CTNNA3: variants seen among roughly 807,000 people sequenced by gnomAD.
CTNNA3 encodes catenin alpha-3.
A neutral mutation model predicts 95.7 loss-of-function variants in CTNNA3; 76 were observed. The ratio of observed to expected loss-of-function variants is 0.79; its 90% CI spans 0.66 to 0.96. CTNNA3 has a LOEUF of 0.96. Among genes scored for constraint, CTNNA3 ranks in the 40% least tolerant of loss-of-function variants. The pLI is 0.00. For missense variants in CTNNA3, 1,191 were observed against 1,089.8 expected (o/e 1.09, Z -1.31); for synonymous variants, 431 against 374.4 (o/e 1.15, Z -1.74).
At chr10:67,196,159 A>G (rs569897033) in intron 6 of CTNNA3, among the ~76,000 whole-genome samples, 13 of 152,236 alleles carry the variant, frequency 8.5e-5, no homozygotes, top group Middle Eastern at 3.4e-3. Flanking sequence ...GAGAGAGCTC[A>G]TAGACTCCCT....
chr10:65,931,837 G>C (rs1040288006), intron 17 of CTNNA3, among the ~76,000 whole-genome samples: 1 of 152,180 alleles, frequency 6.6e-6, no homozygotes, highest in African/African-American at 2.4e-5. Context: ...AGAGCAGCTG[G>C]TTGTTGGCTT....
intron 11 of CTNNA3, among the ~76,000 whole-genome samples, chr10:66,482,059 G>A (rs1003647552): frequency 2.6e-5 from 4 of 152,116 alleles, no homozygotes; most frequent in Admixed American, 6.5e-5. Context: ...TGTATTGGGG[G>A]AGGAAGATAT....
intron 11 of CTNNA3, among the ~76,000 whole-genome samples, chr10:66,419,551 T>C (rs563405992): frequency 6.6e-6 from 1 of 152,226 alleles, no homozygotes; most frequent in South Asian, 2.1e-4. Flanking sequence ...CTACAATTCA[T>C]TTGAAACCAA....
intron 1 of CTNNA3, among the ~76,000 whole-genome samples, chr10:67,735,996 G>A (rs926622193): frequency 6.6e-6 from 1 of 152,118 alleles, no homozygotes. Flanking sequence ...GCACACCAAT[G>A]TTCATAGTAG....
chr10:66,436,567 T>G (rs1013676511), intron 11 of CTNNA3, among the ~76,000 whole-genome samples: 1 of 150,416 alleles, frequency 6.6e-6, no homozygotes, highest in Non-Finnish European at 1.5e-5. Flanking sequence ...ATCCCACTAT[T>G]TTTAGCCTTT....
intron 9 of CTNNA3, among the ~76,000 whole-genome samples, chr10:66,717,892 C>G (rs1209377642): frequency 6.6e-6 from 1 of 152,136 alleles, no homozygotes; most frequent in Non-Finnish European, 1.5e-5. Context: ...TACCTCTGCC[C>G]TTATGAACCC....
At chr10:66,964,105 C>T (rs1849272031) in intron 7 of CTNNA3, among the ~76,000 whole-genome samples, 1 of 152,046 alleles carries the variant, frequency 6.6e-6, no homozygotes, top group Non-Finnish European at 1.5e-5. Context: ...CTGCCTCAGC[C>T]TCCCAAAGTG....
At chr10:67,338,093 G>C (rs1842058189) in intron 5 of CTNNA3, among the ~76,000 whole-genome samples, 1 of 152,114 alleles carries the variant, frequency 6.6e-6, no homozygotes, top group African/African-American at 2.4e-5. Context: ...GATTGTGTTA[G>C]GCTATTCTTG....
intron 1 of CTNNA3, among the ~76,000 whole-genome samples, chr10:67,714,387 A>G (rs368335472): frequency 6.6e-6 from 1 of 152,206 alleles, no homozygotes; most frequent in Non-Finnish European, 1.5e-5. Flanking sequence ...ATCATTCTGG[A>G]GCTTTAAGAT....
At chr10:67,057,359 G>A (rs1368606332) in intron 7 of CTNNA3, among the ~76,000 whole-genome samples, 1 of 152,018 alleles carries the variant, frequency 6.6e-6, no homozygotes, top group Non-Finnish European at 1.5e-5. Flanking sequence ...ACCATGCTGT[G>A]CATGGTCTTC....
chr10:65,936,402 G>A (rs2077338968), intron 17 of CTNNA3, among the ~76,000 whole-genome samples: 1 of 151,840 alleles, frequency 6.6e-6, no homozygotes, highest in Non-Finnish European at 1.5e-5. Context: ...CTATAAAAGG[G>A]GTCTAGAAGT....
At chr10:67,431,691 T>C (rs1227824402) in intron 5 of CTNNA3, among the ~76,000 whole-genome samples, 1 of 151,962 alleles carries the variant, frequency 6.6e-6, no homozygotes, top group Non-Finnish European at 1.5e-5. Context: ...AAATACCCAT[T>C]AAACCAAGAT....
intron 12 of CTNNA3, among the ~76,000 whole-genome samples, chr10:66,376,172 A>G (rs572130984): frequency 3.3e-4 from 51 of 152,284 alleles, no homozygotes; most frequent in African/African-American, 1.2e-3. Context: ...TTTTTCCCCA[A>G]CGTAGTACAA....
intron 7 of CTNNA3, among the ~76,000 whole-genome samples, chr10:66,836,260 G>A (rs144971776): frequency 7.2e-5 from 11 of 152,212 alleles, no homozygotes; most frequent in African/African-American, 1.2e-4. Context: ...GACTTGATAC[G>A]TGCAAAACCT....
chr10:66,684,874 A>T (rs1246946849), intron 9 of CTNNA3, among the ~76,000 whole-genome samples: 2 of 151,510 alleles, frequency 1.3e-5, no homozygotes, highest in Non-Finnish European at 2.9e-5. Flanking sequence ...ACTCCTATTT[A>T]TTAGTAATTA....
In CTNNA3 at chr10:66,153,876, CACAT is replaced by C. The variant is rs1214292458; in HGVS notation, c.1885-50631_1885-50628del. Among the ~76,000 whole-genome samples the C allele has an allele frequency of 9.4e-4, 140 of 149,006 alleles. 2 individuals are homozygous for C. Among genetic ancestry groups the C allele is most frequent in the African/African-American group, 3.3e-3 (130 of 39,846 alleles). ...ACACACACACACACACACACACACA[CACAT>C]ACCTATATAATATAAATTATACATA... On this transcript the variant is annotated intron_variant, in intron 13 of 17. Transcript: ENST00000433211.
At chr10:67,054,075 T>TACCGTTTCAA (rs1855279070) in intron 7 of CTNNA3, among the ~76,000 whole-genome samples, 1 of 152,172 alleles carries the variant, frequency 6.6e-6, no homozygotes, top group African/African-American at 2.4e-5. Flanking sequence ...ACTTAGTATT[T>TACCGTTTCAA]ACCGTTTCAA....
chr10:67,127,133 G>A (rs1002469589), intron 7 of CTNNA3, among the ~76,000 whole-genome samples: 6 of 151,780 alleles, frequency 4.0e-5, no homozygotes, highest in Non-Finnish European at 5.9e-5. Context: ...GATGTATTTT[G>A]TACATTTGTA....
At chr10:67,601,921 C>A (rs1465534753) in intron 3 of CTNNA3, among the ~76,000 whole-genome samples, 1 of 152,024 alleles carries the variant, frequency 6.6e-6, no homozygotes, top group Non-Finnish European at 1.5e-5. Flanking sequence ...TTTAGGTAAC[C>A]AAAATACCCA....
Sources: gnomAD v4.1 joint callset for allele counts (sites outside exome capture counted in the v4.1 genomes callset) on GRCh38, gnomAD v4.1.1 for gene constraint, MANE v1.5 for transcripts, NCBI Gene and HGNC (gene_info 2026-07-23, HGNC 2026-07-21) for gene names.